Variants in GPD2 observed in about 807,000 individuals in gnomAD.
GPD2 encodes the protein glycerol-3-phosphate dehydrogenase, mitochondrial.
In GPD2, 54 loss-of-function variants were observed where a neutral mutation model predicts 82.4. That is an observed-to-expected ratio of 0.66 (90% CI 0.53 to 0.82). The LOEUF is 0.82. GPD2 is among the 40% of genes least tolerant of loss of function. The pLI is 0.00. For synonymous variants in GPD2, 288 were observed against 306.1 expected (o/e 0.94, Z 0.62); for missense variants, 748 against 896.2 (o/e 0.83, Z 2.11).
intron 1 of GPD2, among the ~76,000 whole-genome samples, chr2:156,462,255 C>T (rs1683012588): frequency 6.6e-6 from 1 of 151,940 alleles, no homozygotes; most frequent in Non-Finnish European, 1.5e-5. Flanking sequence ...GGACTCTGTG[C>T]ATGTACCTGG....
chr2:156,507,336 T>G (rs1326607359), intron 3 of GPD2, among the ~76,000 whole-genome samples: 1 of 151,860 alleles, frequency 6.6e-6, no homozygotes, highest in Non-Finnish European at 1.5e-5. Context: ...CTTTTTTTTT[T>G]TTTGAGATAG....
chr2:156,495,704 CCTT>C, intron 2 of GPD2: 2 of 393,214 alleles, frequency 5.1e-6, no homozygotes, highest in South Asian at 4.1e-5. Flanking sequence ...AAAAAAATCT[CCTT>C]ATGTTCCCTT....
chr2:156,404,816 T>C, the GPD2 span, among the ~76,000 whole-genome samples: 1 of 150,768 alleles, frequency 6.6e-6, no homozygotes, highest in African/African-American at 2.4e-5. Context: ...ATTGTGCCAT[T>C]GCACTCCAGC....
In GPD2 at chr2:156,570,216, G is replaced by A; in HGVS notation, c.1606G>A (p.Glu536Lys). The A allele has an allele frequency of 6.2e-7, 1 of 1,612,280 alleles. No individual in the cohort carries two copies. The highest frequency in any genetic ancestry group is 8.5e-7 in the Non-Finnish European group (1 of 1,178,558). Residue 536 changes from glutamate to lysine, a missense_variant and splice_region_variant, in exon 12 of 17, where the codon GAG becomes AAG. Glu to Lys is a moderately conservative substitution (Grantham distance 56, BLOSUM62 1). Transcript: ENST00000438166. ...LVSEFPYIEAEVKYGIKEYAC... is the reference protein window; with the variant it reads ...LVSEFPYIEAKVKYGIKEYAC... ...GTCAGAATTTCCATATATTGAAGCAGAGGTATGTGAATGGTCACATAGGAA... is the reference window on the plus strand; with the variant it reads ...GTCAGAATTTCCATATATTGAAGCAAAGGTATGTGAATGGTCACATAGGAA...
intron 9 of GPD2, among the ~76,000 whole-genome samples, chr2:156,565,750 A>G (rs1473310175): frequency 6.6e-6 from 1 of 152,006 alleles, no homozygotes; most frequent in Non-Finnish European, 1.5e-5. Flanking sequence ...TTTAGCAGAA[A>G]CCTATTATTC....
chr2:156,424,835 G>GC, the GPD2 span, among the ~76,000 whole-genome samples: 1 of 152,102 alleles, frequency 6.6e-6, no homozygotes, highest in Non-Finnish European at 1.5e-5. Flanking sequence ...CTTTGTAGAA[G>GC]TTACCACTTT....
intron 1 of GPD2, among the ~76,000 whole-genome samples, chr2:156,461,151 C>A (rs951970325): frequency 1.5e-5 from 2 of 130,632 alleles, no homozygotes; most frequent in Non-Finnish European, 3.1e-5. Flanking sequence ...CACATTATCT[C>A]TCTCTATCTC....
chr2:156,404,089 T>A, the GPD2 span, among the ~76,000 whole-genome samples: 4 of 152,258 alleles, frequency 2.6e-5, no homozygotes, highest in Admixed American at 2.6e-4. Context: ...AGTGGTGGGC[T>A]AAGTGTAGTA....
chr2:156,440,206 A>C (rs1682120340), intron 1 of GPD2, among the ~76,000 whole-genome samples: 1 of 152,210 alleles, frequency 6.6e-6, no homozygotes, highest in African/African-American at 2.4e-5. Flanking sequence ...TTGTTTTAGA[A>C]TTGTTGACAT....
intron 3 of GPD2, among the ~76,000 whole-genome samples, chr2:156,502,449 CAG>C (rs1441904386): frequency 6.6e-6 from 1 of 152,072 alleles, no homozygotes; most frequent in African/African-American, 2.4e-5. Flanking sequence ...TTTTTGGAGA[CAG>C]AGTCTCACTC....
chr2:156,459,686 C>CAAAAAAAAAAA (rs564494059), intron 1 of GPD2, among the ~76,000 whole-genome samples: 1,660 of 38,680 alleles, frequency 0.043, 369 homozygotes, highest in South Asian at 0.084. Flanking sequence ...GACTCCGTCT[C>CAAAAAAAAAAA]AAAAAAAAAA....
intron 1 of GPD2, among the ~76,000 whole-genome samples, chr2:156,442,363 T>G (rs942805068): frequency 2.6e-5 from 4 of 152,178 alleles, no homozygotes; most frequent in African/African-American, 7.2e-5. Context: ...GAACAAAAGT[T>G]TATGTTCAGG....
the GPD2 span, among the ~76,000 whole-genome samples, chr2:156,402,920 G>A: frequency 6.6e-5 from 10 of 151,598 alleles, no homozygotes; most frequent in Admixed American, 3.3e-4. Context: ...TATTTTGAAC[G>A]TGTAACCTAA....
chr2:156,466,030 GTGTTTT>G (rs1181133829), intron 1 of GPD2, among the ~76,000 whole-genome samples: 2 of 152,162 alleles, frequency 1.3e-5, no homozygotes, highest in African/African-American at 4.8e-5. Flanking sequence ...AACCTGACTT[GTGTTTT>G]TACAAGGGGT....
At chr2:156,582,176 G>T (rs376821269) in intron 16 of GPD2, among the ~76,000 whole-genome samples, 4 of 151,784 alleles carry the variant, frequency 2.6e-5, no homozygotes, top group Admixed American at 6.6e-5. Flanking sequence ...GCCTTTGCCC[G>T]CTGCCTGCAT....
intron 2 of GPD2, among the ~76,000 whole-genome samples, chr2:156,491,893 A>T (rs1444019957): frequency 6.6e-6 from 1 of 151,580 alleles, no homozygotes; most frequent in African/African-American, 2.4e-5. Flanking sequence ...GGTGGCAGGC[A>T]CCTGTAATCC....
Position 156,547,399 on chromosome 2 carries a change from A to G in GPD2, c.662-2209A>G, listed in dbSNP as rs144421799. Among the ~76,000 whole-genome samples the G allele has an allele frequency of 8.5e-4, 129 of 152,346 alleles. 4 individuals are homozygous for G. In the East Asian group the frequency reaches 0.023, roughly 27 times the overall value. On this transcript the variant is annotated intron_variant, in intron 6 of 16. Coordinates refer to ENST00000438166, the MANE Select transcript of GPD2 (RefSeq NM_000408.5). ...AGAACTTCCAGGATGGTATCCAGCC[A>G]GAAGAATAAGTGTGTGTAAAGGCAA...
chr2:156,436,258 C>G (rs373276630), upstream of GPD2: 1 of 152,328 alleles, frequency 6.6e-6, no homozygotes, highest in African/African-American at 2.4e-5. Context: ...GTGGCGGCCT[C>G]GCCGCCCTGG....
the GPD2 span, among the ~76,000 whole-genome samples, chr2:156,400,863 A>G: frequency 6.6e-6 from 1 of 151,890 alleles, no homozygotes; most frequent in South Asian, 2.1e-4. Context: ...TTTGCTTTTT[A>G]TTTTTTCTCC....
Sources: allele counts gnomAD v4.1 joint callset (sites outside exome capture counted in the v4.1 genomes callset), GRCh38; gene constraint gnomAD v4.1.1; transcripts MANE v1.5; gene names NCBI Gene and HGNC (gene_info 2026-07-23, HGNC 2026-07-21).